The following ETFB variants were observed in gnomAD, a reference collection of about 807,000 sequenced individuals.
ETFB encodes the protein beta-ETF.
In ETFB, 20 loss-of-function variants were observed where a neutral mutation model predicts 25.6. The observed-to-expected ratio is 0.78, with a 90% CI of 0.55 to 1.14. The LOEUF is 1.14. Among genes scored for constraint, ETFB ranks in the 50% most tolerant of loss-of-function variants. The pLI is 0.00. For missense variants in ETFB, 286 were observed against 342.6 expected (o/e 0.83, Z 1.30); for synonymous variants, 142 against 146.7 (o/e 0.97, Z 0.23).
intron 4 of ETFB, among the ~76,000 whole-genome samples, chr19:51,349,036 TG>T (rs1300742673): frequency 6.6e-6 from 1 of 152,246 alleles, no homozygotes; most frequent in Non-Finnish European, 1.5e-5. Flanking sequence ...ATACTGCCAG[TG>T]TCCGTACAAC....
intron 1 of ETFB, among the ~76,000 whole-genome samples, chr19:51,357,641 C>T (rs1354079136): frequency 6.6e-6 from 1 of 151,364 alleles, no homozygotes; most frequent in Non-Finnish European, 1.5e-5. Context: ...AGGTGCCCAC[C>T]ACCACGCCCA....
chr19:51,355,767 CAAT>C (rs981426922), intron 1 of ETFB: 5 of 151,608 alleles, frequency 3.3e-5, no homozygotes, highest in Non-Finnish European at 4.4e-5. Context: ...CAGCCATAAA[CAAT>C]GATGAGTTCA....
intron 1 of ETFB, among the ~76,000 whole-genome samples, chr19:51,362,610 C>G (rs2123613158): frequency 6.6e-6 from 1 of 152,236 alleles, no homozygotes; most frequent in Non-Finnish European, 1.5e-5. Context: ...GTGTGCCAGG[C>G]ACTGTTCCAA....
chr19:51,365,351 G>A (rs1050822924), intron 1 of ETFB: 4 of 152,204 alleles, frequency 2.6e-5, no homozygotes, highest in African/African-American at 4.8e-5. Context: ...TCTGGCTCCT[G>A]TACCCTCTTC....
At chr19:51,346,876 A>C (rs1325544036) in intron 5 of ETFB, 24 bp downstream of exon 5, 2 of 1,542,956 alleles carry the variant, frequency 1.3e-6, no homozygotes, top group African/African-American at 1.4e-5. Context: ...CCAGGCCCTC[A>C]GTGCCCGCTG....
intron 1 of ETFB, among the ~76,000 whole-genome samples, chr19:51,357,474 CTT>C (rs1986110630): frequency 7.8e-6 from 1 of 128,936 alleles, no homozygotes; most frequent in Non-Finnish European, 1.7e-5. Context: ...CACCACAATC[CTT>C]TTTTTCTTTC....
chr19:51,360,595 C>T (rs7257274), intron 1 of ETFB, among the ~76,000 whole-genome samples: 128,429 of 152,044 alleles, frequency 0.84, 55,495 homozygotes, highest in African/African-American at 0.95. Flanking sequence ...TTGGCCAGGG[C>T]CACTGAGCAT....
At chr19:51,364,567 G>T (rs932229588) in intron 1 of ETFB, among the ~76,000 whole-genome samples, 2 of 152,194 alleles carry the variant, frequency 1.3e-5, no homozygotes. Flanking sequence ...TCCCAGACAT[G>T]CCAGGCGTGG....
At chr19:51,347,976 A>G (rs1985838541) in intron 4 of ETFB, 1 of 152,278 alleles carries the variant, frequency 6.6e-6, no homozygotes, top group South Asian at 2.1e-4. Flanking sequence ...ACGTTGGAGA[A>G]GCTAGTCAGA....
chr19:51,351,090 T>G (rs181335298), intron 3 of ETFB, among the ~76,000 whole-genome samples: 9 of 152,300 alleles, frequency 5.9e-5, no homozygotes, highest in Non-Finnish European at 1.3e-4. Flanking sequence ...GTATAAAGCC[T>G]CTCAGGAGTC....
At chr19:51,352,010 AT>A (rs1985943563) in intron 3 of ETFB, among the ~76,000 whole-genome samples, 2 of 151,792 alleles carry the variant, frequency 1.3e-5, no homozygotes. Context: ...GGTTGAGGCC[AT>A]GAGGTTTGCC....
At chr19:51,361,441 T>C (rs1334182768) in intron 1 of ETFB, among the ~76,000 whole-genome samples, 1 of 152,122 alleles carries the variant, frequency 6.6e-6, no homozygotes, top group Non-Finnish European at 1.5e-5. Context: ...AACTCGTCCC[T>C]GAGGTGACAT....
rs1288838584 is a variant in ETFB at position 51,361,158 on chromosome 19, T to C, written c.57+5112A>G. 3.9e-5 allele frequency among the ~76,000 whole-genome samples: 6 copies of C among 152,214 alleles called. No individual in the cohort carries two copies. In the East Asian group the frequency reaches 1.2e-3, roughly 29 times the overall value. On this transcript the variant is annotated intron_variant, in intron 1 of 5. Coordinates refer to ENST00000309244, the MANE Select transcript of ETFB (RefSeq NM_001985.3). Reference sequence around the variant, plus strand: ...GTTGGCCAGGCTGGTCTCGAACTCCTGACCTCAGGTGATCCGCCCACCTCG... The same window carrying C: ...GTTGGCCAGGCTGGTCTCGAACTCCCGACCTCAGGTGATCCGCCCACCTCG...
At position 51,366,384 on chromosome 19, in the gene ETFB, G is replaced by GGCCCCCCCC; in HGVS notation, c.-59_-58insGGGGGGGGC. ...GCACCCTCAGCGGCTCAGTCCAGAA[G>GGCCCCCCCC]CCCCACCACCCCCGCCCCCCGCGCC... On this transcript the variant is annotated 5_prime_UTR_variant, in exon 1 of 6. Transcript: ENST00000309244. The GGCCCCCCCC allele has an allele frequency of 6.6e-7, 1 of 1,525,610 alleles. No homozygotes were observed. The highest frequency in any genetic ancestry group is 8.9e-7 in the Non-Finnish European group (1 of 1,120,110). 94.5% of individuals were successfully genotyped at this position (1,525,610 alleles called of 1,614,324 possible).
intron 1 of ETFB, among the ~76,000 whole-genome samples, chr19:51,357,471 A>G (rs1396426243): frequency 7.3e-6 from 1 of 136,848 alleles, no homozygotes; most frequent in Admixed American, 7.3e-5. Flanking sequence ...GCCCACCACA[A>G]TCCTTTTTTT....
intron 4 of ETFB, 184 bp downstream of exon 4, chr19:51,350,145 G>A (rs1985896209): frequency 1.6e-6 from 1 of 629,054 alleles, no homozygotes; most frequent in Admixed American, 2.6e-5. Flanking sequence ...TGGCAAGGAA[G>A]GCCCCTTTGA....
At chr19:51,348,949 C>CCCT (rs1456592520) in intron 4 of ETFB, among the ~76,000 whole-genome samples, 1 of 152,170 alleles carries the variant, frequency 6.6e-6, no homozygotes, top group African/African-American at 2.4e-5. Flanking sequence ...TACAGATGGT[C>CCCT]CCTGACTTAT....
Position 51,347,031 on chromosome 19 carries a change from C to G in ETFB, c.466G>C (p.Glu156Gln), listed in dbSNP as rs774444434. ...QGTFASQVTL[E>Q]GDKLKVEREI... is the part of the protein sequence containing the mutation. ...CGCTCCACTTTCAACTTGTCCCCCT[C>G]CAGCGTCACCTGGGAGGCGAATGTG... Residue 156 changes from glutamate to glutamine, a missense_variant, in exon 5 of 6, where the codon GAG becomes CAG. Coordinates refer to ENST00000309244, the MANE Select transcript of ETFB (RefSeq NM_001985.3). 6.2e-7 allele frequency: 1 copy of G among 1,613,890 alleles called. No individual in the cohort carries two copies. Among genetic ancestry groups the G allele is most frequent in the East Asian group, 2.2e-5 (1 of 44,864 alleles).
chr19:51,352,144 G>A (rs1462850847), intron 3 of ETFB, among the ~76,000 whole-genome samples: 1 of 151,890 alleles, frequency 6.6e-6, no homozygotes, highest in Non-Finnish European at 1.5e-5. Context: ...GGTTCTGGTC[G>A]GGTCCTCACC....
Sources: allele counts gnomAD v4.1 joint callset (sites outside exome capture counted in the v4.1 genomes callset), GRCh38; gene constraint gnomAD v4.1.1; transcripts MANE v1.5; gene names NCBI Gene and HGNC (gene_info 2026-07-23, HGNC 2026-07-21).